The following DAZAP1 variants were observed in gnomAD, a reference collection of about 807,000 sequenced individuals.
DAZAP1 encodes DAZ-associated protein 1.
A neutral mutation model predicts 60.1 loss-of-function variants in DAZAP1; 6 were observed. The ratio of observed to expected loss-of-function variants is 0.10; its 90% CI spans 0.05 to 0.20. The LOEUF is 0.20. DAZAP1 is among the 10% of genes least tolerant of loss of function. The pLI, the probability that DAZAP1 is intolerant of heterozygous loss-of-function variation, is 1.00. For synonymous variants in DAZAP1, 235 were observed against 215.9 expected (o/e 1.09, Z -0.78); for missense variants, 366 against 560.4 (o/e 0.65, Z 3.50).
Position 1,433,450 on chromosome 19 carries a change from C to G in DAZAP1, c.1048+760C>G. On this transcript the variant is annotated intron_variant, in intron 11 of 11. Coordinates refer to ENST00000233078, the MANE Select transcript of DAZAP1 (RefSeq NM_018959.4). This position sits in a 1 kb window ranked among gnomAD's most constrained non-coding sequence, Gnocchi z 6.1. ...CAGGTGGCCACGGGCTTCCGGGGTGCCTGTGAACACGCTTCCTCTAGGCCT... is the reference window on the plus strand; with the variant it reads ...CAGGTGGCCACGGGCTTCCGGGGTGGCTGTGAACACGCTTCCTCTAGGCCT... The G allele has an allele frequency of 2.2e-6, 1 of 445,778 alleles. No homozygotes were observed. The highest frequency in any genetic ancestry group is 4.1e-6 in the Non-Finnish European group (1 of 244,128). 27.6% of individuals were successfully genotyped at this position (445,778 alleles called of 1,614,324 possible). A position where few individuals can be genotyped will look rare whatever the true frequency, so the allele number is the denominator to read the frequency against.
Position 1,433,966 on chromosome 19 carries a change from G to T in DAZAP1, c.1049-771G>T, listed in dbSNP as rs777366334. The stretch of plus-strand genomic sequence containing the variant: ...GGCCCTTGCCGGTGCCAAGACATTG[G>T]CCACAAGCCTTCAGCGGGCCCAGGA... On this transcript the variant is annotated intron_variant, in intron 11 of 11. Coordinates refer to ENST00000233078, the MANE Select transcript of DAZAP1 (RefSeq NM_018959.4). The surrounding 1 kb of genome is among the most constrained non-coding windows in gnomAD (Gnocchi z 6.1). The T allele has an allele frequency of 1.6e-5, 12 of 735,010 alleles. No homozygotes were observed. In the Admixed American group the frequency reaches 2.8e-4, roughly 17 times the overall value. 45.5% of individuals were successfully genotyped at this position (735,010 alleles called of 1,614,324 possible).
chr19:1,432,801 G>A lies in DAZAP1; in HGVS notation c.1048+111G>A, dbSNP rs1257930254. 5 of 1,298,898 alleles carry A rather than the reference G, an allele frequency of 3.8e-6. No individual in the cohort carries two copies. Among genetic ancestry groups the A allele is most frequent in the Non-Finnish European group, 5.3e-6 (5 of 943,320 alleles). 80.5% of individuals were successfully genotyped at this position (1,298,898 alleles called of 1,614,324 possible). A position where few individuals can be genotyped will look rare whatever the true frequency, so the allele number is the denominator to read the frequency against. On this transcript the variant is annotated intron_variant, in intron 11 of 11. Transcript: ENST00000233078. The surrounding 1 kb of genome is among the most constrained non-coding windows in gnomAD (Gnocchi z 4.9). ...ACGCTCCCCAGCCTTTACCTGGTGGGAAAGGGGAGAGGGAGGAGAGGGGGG... is the reference window on the plus strand; with the variant it reads ...ACGCTCCCCAGCCTTTACCTGGTGGAAAAGGGGAGAGGGAGGAGAGGGGGG...
intron 1 of DAZAP1, among the ~76,000 whole-genome samples, chr19:1,408,830 G>A (rs1206702934): frequency 6.6e-6 from 1 of 152,238 alleles, no homozygotes; most frequent in Admixed American, 6.5e-5. Flanking sequence ...AGCGGCTCCT[G>A]CCGCAGCGAC....
chr19:1,430,837 C>CA (rs1491225738), intron 10 of DAZAP1, among the ~76,000 whole-genome samples: 2 of 151,594 alleles, frequency 1.3e-5, no homozygotes, highest in Admixed American at 6.6e-5. Context: ...TCTCCTGCCT[C>CA]AGTCTCCCGA....
rs546527835 is a variant in DAZAP1, at chr19:1,416,716, T to C, written c.30-784T>C. 2 of 152,616 alleles carry C rather than the reference T, an allele frequency of 1.3e-5. No homozygotes were observed. Among genetic ancestry groups the C allele is most frequent in the African/African-American group, 4.8e-5 (2 of 41,586 alleles). The allele number at this position is 152,616 out of a possible 1,614,324, so 9.5% of individuals were successfully genotyped here. On this transcript the variant is annotated intron_variant, in intron 1 of 11. Transcript: ENST00000233078. The surrounding 1 kb of genome is among the most constrained non-coding windows in gnomAD (Gnocchi z 4.3). Reference sequence around the variant, plus strand: ...GTGAGGTGGAAAGGTGAGTGGGCCCTTGGGCGTCGCTGCAGGGTCGATGGC... The same window carrying C: ...GTGAGGTGGAAAGGTGAGTGGGCCCCTGGGCGTCGCTGCAGGGTCGATGGC...
Position 1,423,632 on chromosome 19 carries a change from G to A in DAZAP1, c.463+1236G>A, listed in dbSNP as rs1005061360. Among the ~76,000 whole-genome samples, 1 of 152,224 alleles carries A rather than the reference G, an allele frequency of 6.6e-6. No homozygotes were observed. The highest frequency in any genetic ancestry group is 1.5e-5 in the Non-Finnish European group (1 of 68,030). On this transcript the variant is annotated intron_variant, in intron 6 of 11. Coordinates refer to ENST00000233078, the MANE Select transcript of DAZAP1 (RefSeq NM_018959.4). This position sits in a 1 kb window ranked among gnomAD's most constrained non-coding sequence, Gnocchi z 6.8. ...ACCCAGCGCCTCTTGCACTGTGCCC[G>A]GACCAGGCGAGCCCTGTGGTTTCAG...
chr19:1,433,752 T>C lies in DAZAP1; in HGVS notation c.1049-985T>C. On this transcript the variant is annotated intron_variant, in intron 11 of 11. Coordinates refer to ENST00000233078, the MANE Select transcript of DAZAP1 (RefSeq NM_018959.4). The surrounding 1 kb of genome is among the most constrained non-coding windows in gnomAD (Gnocchi z 6.1). ...GTCTCTTGCCAGGCCTGGGTTCCTA[T>C]TCTCCAGCCCCGCCGGGCTGCGGCC... 6.2e-7 allele frequency: 1 copy of C among 1,613,834 alleles called. No individual in the cohort carries two copies. The highest frequency in any genetic ancestry group is 8.5e-7 in the Non-Finnish European group (1 of 1,179,830).
rs1037276920 is a variant in DAZAP1, at chr19:1,422,901, G to T, written c.463+505G>T. On this transcript the variant is annotated intron_variant, in intron 6 of 11. Coordinates refer to ENST00000233078, the MANE Select transcript of DAZAP1 (RefSeq NM_018959.4). The surrounding 1 kb of genome is among the most constrained non-coding windows in gnomAD (Gnocchi z 4.5). The stretch of plus-strand genomic sequence containing the variant: ...CCTCTCTGAAGTCAGCAGGGCAGGT[G>T]GGAGGAGGGGTGAGGAGTCACCTCA... Among the ~76,000 whole-genome samples, 3 of 151,598 alleles carry T rather than the reference G, an allele frequency of 2.0e-5. No homozygotes were observed. The highest frequency in any genetic ancestry group is 7.3e-5 in the African/African-American group (3 of 41,174).
chr19:1,433,485 CG>C lies in DAZAP1; in HGVS notation c.1048+799del. On this transcript the variant is annotated intron_variant, in intron 11 of 11. Coordinates refer to ENST00000233078, the MANE Select transcript of DAZAP1 (RefSeq NM_018959.4). The surrounding 1 kb of genome is among the most constrained non-coding windows in gnomAD (Gnocchi z 6.1). Reference sequence around the variant, plus strand: ...CGCTTCCTCTAGGCCTGGTGGAGGCCGGGGTGTGGGAGCTGTGTTCGGCCGA... The same window carrying C: ...CGCTTCCTCTAGGCCTGGTGGAGGCCGGGTGTGGGAGCTGTGTTCGGCCGA... The C allele has an allele frequency of 1.9e-6, 1 of 530,956 alleles. No individual in the cohort carries two copies. The highest frequency in any genetic ancestry group is 3.4e-6 in the Non-Finnish European group (1 of 294,534). 32.9% of individuals were successfully genotyped at this position (530,956 alleles called of 1,614,324 possible). A position where few individuals can be genotyped will look rare whatever the true frequency, so the allele number is the denominator to read the frequency against.
At chr19:1,430,836 TCA>T (rs1491539199) in intron 10 of DAZAP1, among the ~76,000 whole-genome samples, 1 of 150,996 alleles carries the variant, frequency 6.6e-6, no homozygotes, top group African/African-American at 2.4e-5. Flanking sequence ...TTCTCCTGCC[TCA>T]GTCTCCCGAG....
chr19:1,408,478 C>T (rs1412306731), intron 1 of DAZAP1, among the ~76,000 whole-genome samples: 8 of 152,368 alleles, frequency 5.3e-5, no homozygotes, highest in Admixed American at 6.5e-5. Flanking sequence ...GCGAGGGTTC[C>T]GGTTCTGCCA....
At chr19:1,409,571 T>C (rs1195891122) in intron 1 of DAZAP1, among the ~76,000 whole-genome samples, 3 of 152,252 alleles carry the variant, frequency 2.0e-5, no homozygotes, top group Admixed American at 6.5e-5. Context: ...TGTCCACTGC[T>C]TTCTAAGTCA....
rs2082703613 is a variant in DAZAP1 at position 1,407,657 on chromosome 19, C to CGG, written c.-117_-116insGG. 1 of 969,896 alleles carries CGG rather than the reference C, an allele frequency of 1.0e-6. No individual in the cohort carries two copies. The highest frequency in any genetic ancestry group is 6.0e-5 in the Admixed American group (1 of 16,570). The allele number at this position is 969,896 out of a possible 1,614,324, so 60.1% of individuals were successfully genotyped here. A position where few individuals can be genotyped will look rare whatever the true frequency, so the allele number is the denominator to read the frequency against. On this transcript the variant is annotated 5_prime_UTR_variant, in exon 1 of 12. Coordinates refer to ENST00000233078, the MANE Select transcript of DAZAP1 (RefSeq NM_018959.4). ...GCCGCCGCCGCCGCCGCCGCCGCCGCCGCCGTTGCGCAGATCCGGGCCGCG... is the reference window on the plus strand; with the variant it reads ...GCCGCCGCCGCCGCCGCCGCCGCCGCGGCGCCGTTGCGCAGATCCGGGCCGCG...
Position 1,435,023 on chromosome 19 carries a change from C to CGGGGGGAG in DAZAP1, c.*114_*121dup, listed in dbSNP as rs2083563841. On this transcript the variant is annotated 3_prime_UTR_variant, in exon 12 of 12. Transcript: ENST00000233078. ...GGCGACTCAACCTTGGGGGGGGGGG[C>CGGGGGGAG]GGGGGGAGGGCGCGAGGCTTTTGGA... 5.6e-6 allele frequency: 1 copy of CGGGGGGAG among 178,370 alleles called. No individual in the cohort carries two copies. Among genetic ancestry groups the CGGGGGGAG allele is most frequent in the Admixed American group, 2.1e-4 (1 of 4,836 alleles). 11.0% of individuals were successfully genotyped at this position (178,370 alleles called of 1,614,324 possible).
rs2083041491 is a variant in DAZAP1 at position 1,418,120 on chromosome 19, A to G, written c.71-84A>G. ...CGGTGCGTGGCTGGTGGACTGGAGG[A>G]GTGTGCGTGCCGGCAGCACTGCCAG... On this transcript the variant is annotated intron_variant, in intron 2 of 11. Coordinates refer to ENST00000233078, the MANE Select transcript of DAZAP1 (RefSeq NM_018959.4). The surrounding 1 kb of genome is among the most constrained non-coding windows in gnomAD (Gnocchi z 5.7). The G allele has an allele frequency of 2.1e-6, 3 of 1,405,938 alleles. No individual in the cohort carries two copies. The South Asian group carries it at 3.7e-5, about 17-fold the overall frequency. The allele number at this position is 1,405,938 out of a possible 1,614,324, so 87.1% of individuals were successfully genotyped here.
chr19:1,423,185 C>T lies in DAZAP1; in HGVS notation c.463+789C>T, dbSNP rs1348497445. Among the ~76,000 whole-genome samples the T allele has an allele frequency of 3.9e-5, 6 of 152,236 alleles. No individual in the cohort carries two copies. The highest frequency in any genetic ancestry group is 7.3e-5 in the Non-Finnish European group (5 of 68,038). ...CGGGGCAGCCCCGAGCGCCAGGTGG[C>T]GCCGCAGCATGCCCACCATGCTGGA... On this transcript the variant is annotated intron_variant, in intron 6 of 11. Coordinates refer to ENST00000233078, the MANE Select transcript of DAZAP1 (RefSeq NM_018959.4). This position sits in a 1 kb window ranked among gnomAD's most constrained non-coding sequence, Gnocchi z 6.8.
chr19:1,433,195 T>C lies in DAZAP1; in HGVS notation c.1048+505T>C, dbSNP rs1430400517. On this transcript the variant is annotated intron_variant, in intron 11 of 11. Transcript: ENST00000233078. This position sits in a 1 kb window ranked among gnomAD's most constrained non-coding sequence, Gnocchi z 6.1. ...GTGGCTTGGGTCTGCCTGGACGTGA[T>C]CTGCAGGCAGCGCATGTGCTTCCGG... 1 of 179,790 alleles carries C rather than the reference T, an allele frequency of 5.6e-6. No individual in the cohort carries two copies. The highest frequency in any genetic ancestry group is 1.2e-5 in the Non-Finnish European group (1 of 86,008). 11.1% of individuals were successfully genotyped at this position (179,790 alleles called of 1,614,324 possible).
In DAZAP1 at chr19:1,418,080, C is replaced by T. The variant is rs1326707292; in HGVS notation, c.71-124C>T. ...GCGCTTCCCGTACACCCCCCACCCC[C>T]AGTGCAGCATCGCTCGGTGCGTGGC... On this transcript the variant is annotated intron_variant, in intron 2 of 11. Coordinates refer to ENST00000233078, the MANE Select transcript of DAZAP1 (RefSeq NM_018959.4). This position sits in a 1 kb window ranked among gnomAD's most constrained non-coding sequence, Gnocchi z 5.7. 3 of 948,824 alleles carry T rather than the reference C, an allele frequency of 3.2e-6. No individual in the cohort carries two copies. The highest frequency in any genetic ancestry group is 4.8e-6 in the Non-Finnish European group (3 of 623,814). The allele number at this position is 948,824 out of a possible 1,614,324, so 58.8% of individuals were successfully genotyped here. A position where few individuals can be genotyped will look rare whatever the true frequency, so the allele number is the denominator to read the frequency against.
At position 1,426,019 on chromosome 19, in the gene DAZAP1, G is replaced by A. The variant is rs1651771419; in HGVS notation, c.546+59G>A. On this transcript the variant is annotated intron_variant, in intron 7 of 11. Transcript: ENST00000233078. This position sits in a 1 kb window ranked among gnomAD's most constrained non-coding sequence, Gnocchi z 5.4. ...CAAACCAAGTCTTAGGCAACTTAGG[G>A]GTTTCACTGGAAAGGAACATTCCTT... 4.2e-6 allele frequency: 5 copies of A among 1,199,910 alleles called. No individual in the cohort carries two copies. The Admixed American group carries it at 6.7e-5, about 16-fold the overall frequency. 74.3% of individuals were successfully genotyped at this position (1,199,910 alleles called of 1,614,324 possible).
Sources: allele counts gnomAD v4.1 joint callset (sites outside exome capture counted in the v4.1 genomes callset), GRCh38; gene constraint gnomAD v4.1.1; non-coding constraint Gnocchi (gnomAD v3.1); transcripts MANE v1.5; gene names NCBI Gene and HGNC (gene_info 2026-07-23, HGNC 2026-07-21).